GLI3: variants seen among roughly 807,000 people sequenced by gnomAD.
GLI3 encodes the protein transcription activator GLI3.
Under a neutral mutation model 100.8 loss-of-function variants are expected in GLI3, and 20 were observed. That is an observed-to-expected ratio of 0.20 (90% CI 0.14 to 0.29). The LOEUF (loss-of-function observed/expected upper bound fraction) is 0.29. GLI3 is among the 10% of genes least tolerant of loss of function. The probability of loss-of-function intolerance (pLI) is 1.00; values close to 1 mark genes in which losing one functional copy is unlikely to be tolerated. For missense variants in GLI3, 2,040 were observed against 2,128.5 expected (o/e 0.96, Z 0.82); for synonymous variants, 938 against 860.5 (o/e 1.09, Z -1.58).
At position 42,040,121 on chromosome 7, in the gene GLI3, G is replaced by T. The variant is rs774351799; in HGVS notation, c.945C>A (p.Asn315Lys). 3 of 1,613,766 alleles carry T rather than the reference G, an allele frequency of 1.9e-6. No homozygotes were observed. Among genetic ancestry groups the T allele is most frequent in the African/African-American group, 2.7e-5 (2 of 74,914 alleles). ...DLQTMIRTSP[N>K]SLVTILNNSR... is the part of the protein sequence containing the mutation. The stretch of plus-strand genomic sequence containing the variant: ...AATTATTGAGAATCGTGACCAAGGA[G>T]TTGGGAGACGTCCTTATCATGGTCT... The change falls in exon 7 of 15, where the codon AAC becomes AAA. Residue 315 changes from asparagine (N) to lysine (K), a missense_variant. Coordinates refer to ENST00000395925, the MANE Select transcript of GLI3 (RefSeq NM_000168.6).
intron 3 of GLI3, among the ~76,000 whole-genome samples, chr7:42,094,473 C>T (rs752298637): frequency 6.6e-6 from 1 of 151,944 alleles, no homozygotes; most frequent in South Asian, 2.1e-4. Flanking sequence ...TGGTGGTGGG[C>T]GCCTGTAATC....
At chr7:42,079,832 C>A (rs3801168) in intron 3 of GLI3, among the ~76,000 whole-genome samples, 42,336 of 152,050 alleles carry the variant, frequency 0.28, 7,488 homozygotes, top group East Asian at 0.54. Flanking sequence ...TGAATTATGA[C>A]AAAGTACAAA....
chr7:42,208,137 C>T (rs543960354), intron 2 of GLI3, among the ~76,000 whole-genome samples: 6 of 152,070 alleles, frequency 3.9e-5, no homozygotes, highest in African/African-American at 9.6e-5. Context: ...CCAGCCTAGG[C>T]GACAGAGGGA....
chr7:42,174,007 C>T (rs575199769), intron 2 of GLI3, among the ~76,000 whole-genome samples: 2 of 151,908 alleles, frequency 1.3e-5, no homozygotes, highest in Non-Finnish European at 2.9e-5. Context: ...TTCCAAAAGG[C>T]CAAAAGGCAA....
intron 3 of GLI3, among the ~76,000 whole-genome samples, chr7:42,107,432 G>A (rs1027770138): frequency 6.6e-6 from 1 of 152,208 alleles, no homozygotes. Context: ...AGCACGGAGT[G>A]TATTCAACTC....
rs1281812818 is a variant in GLI3, at chr7:42,254,231, A to AAAAAAAAC, written c.-43+9762_-43+9763insGTTTTTTT. Among the ~76,000 whole-genome samples, 318 of 151,646 alleles carry AAAAAAAAC rather than the reference A, an allele frequency of 2.1e-3. 3 individuals carry two copies. Among genetic ancestry groups the AAAAAAAAC allele is most frequent in the African/African-American group, 7.2e-3 (297 of 41,250 alleles). On this transcript the variant is annotated intron_variant, in intron 1 of 2. Transcript: ENST00000678978. ...CAAAACTCCGTTAAAAAAAAAAAAAAAGCCAATGGAATAGAGGATATCGCC... is the reference window on the plus strand; with the variant it reads ...CAAAACTCCGTTAAAAAAAAAAAAAAAAAAAAACAGCCAATGGAATAGAGGATATCGCC...
intron 3 of GLI3, among the ~76,000 whole-genome samples, chr7:42,089,352 A>T (rs1247670177): frequency 4.6e-5 from 7 of 152,230 alleles, no homozygotes; most frequent in Admixed American, 4.6e-4. Flanking sequence ...GTTACTAATG[A>T]CTTGAAGCAT....
In GLI3 at chr7:42,076,855, G is replaced by A; in HGVS notation, c.370C>T (p.Pro124Ser). 1 of 1,599,038 alleles carries A rather than the reference G, an allele frequency of 6.3e-7. No homozygotes were observed. The highest frequency in any genetic ancestry group is 8.6e-7 in the Non-Finnish European group (1 of 1,166,368). ...RNGYMEPHYH[P>S]PHLFPAFHPP... ...TGGAAGGCAGGGAAAAGATGAGGAG[G>A]GTCTGAAAAGAAGAGAGAGCCCAAT... is the stretch of plus-strand genomic sequence containing the variant. Residue 124 changes from proline (P) to serine (S), a missense_variant and splice_region_variant, in exon 4 of 15, where the codon CCT (proline) becomes TCT (serine). Physicochemically the swap from Pro to Ser is moderately conservative, Grantham distance 74. This residue lies in a region of GLI3 where 603 missense variants were observed against 690.9 expected (regional missense o/e 0.87). Coordinates refer to ENST00000395925, the MANE Select transcript of GLI3 (RefSeq NM_000168.6).
intron 3 of GLI3, among the ~76,000 whole-genome samples, chr7:42,132,378 G>A (rs1197872716): frequency 6.6e-6 from 1 of 152,152 alleles, no homozygotes. Flanking sequence ...GGGATTACAG[G>A]CGTGAGCCAC....
chr7:42,234,744 A>C (rs1047414895), intron 1 of GLI3, among the ~76,000 whole-genome samples: 1 of 152,164 alleles, frequency 6.6e-6, no homozygotes, highest in African/African-American at 2.4e-5. Context: ...CATTGGACTC[A>C]TTCATGCATC....
chr7:42,151,592 T>C (rs1246244587), intron 2 of GLI3: 1 of 152,236 alleles, frequency 6.6e-6, no homozygotes, highest in African/African-American at 2.4e-5. Flanking sequence ...CATCTGCCAA[T>C]GGACTTTAAC....
chr7:41,993,043 C>T (rs899533513), intron 10 of GLI3, among the ~76,000 whole-genome samples: 4 of 152,124 alleles, frequency 2.6e-5, no homozygotes, highest in African/African-American at 9.7e-5. Flanking sequence ...GTGCAACAGC[C>T]TTTTATCAAG....
At chr7:42,165,437 C>T (rs951186282) in intron 2 of GLI3, among the ~76,000 whole-genome samples, 1 of 152,032 alleles carries the variant, frequency 6.6e-6, no homozygotes, top group African/African-American at 2.4e-5. Flanking sequence ...TTTAAAATAC[C>T]CCCTTAGAAA....
At chr7:42,058,902 G>A (rs1186827880) in intron 4 of GLI3, among the ~76,000 whole-genome samples, 1 of 152,084 alleles carries the variant, frequency 6.6e-6, no homozygotes, top group African/African-American at 2.4e-5. Flanking sequence ...AAATTTCAAG[G>A]TCAAAGAATT....
chr7:42,120,554 A>C (rs2128771050), intron 3 of GLI3, among the ~76,000 whole-genome samples: 1 of 152,342 alleles, frequency 6.6e-6, no homozygotes, highest in African/African-American at 2.4e-5. Flanking sequence ...GTATTTATTA[A>C]AATGCATCGG....
At chr7:42,249,713 T>A (rs1789011860) in intron 1 of GLI3, among the ~76,000 whole-genome samples, 1 of 152,138 alleles carries the variant, frequency 6.6e-6, no homozygotes, top group Non-Finnish European at 1.5e-5. Flanking sequence ...GTTAGTTCTC[T>A]TCCCTCCCTT....
chr7:42,263,716 G>C (rs1471840351), intron 1 of GLI3, among the ~76,000 whole-genome samples: 1 of 152,100 alleles, frequency 6.6e-6, no homozygotes, highest in African/African-American at 2.4e-5. Flanking sequence ...CCAAAGTGCT[G>C]GGATTACAGG....
At chr7:42,093,402 C>T (rs1583551340) in intron 3 of GLI3, among the ~76,000 whole-genome samples, 1 of 149,380 alleles carries the variant, frequency 6.7e-6, no homozygotes, top group East Asian at 2.0e-4. Flanking sequence ...AAAAAAGGTT[C>T]CCTTCTCTTT....
At chr7:42,054,019 C>T (rs1784403837) in intron 4 of GLI3, among the ~76,000 whole-genome samples, 1 of 152,204 alleles carries the variant, frequency 6.6e-6, no homozygotes, top group South Asian at 2.1e-4. Context: ...GGGATAAGGC[C>T]CTTTATGCTG....
Sources: allele counts gnomAD v4.1 joint callset (sites outside exome capture counted in the v4.1 genomes callset), GRCh38; gene constraint gnomAD v4.1.1; regional missense constraint gnomAD v4.1.1; transcripts MANE v1.5; gene names NCBI Gene and HGNC (gene_info 2026-07-23, HGNC 2026-07-21).